Variants in TNXB observed in about 807,000 individuals in gnomAD.
The protein encoded by TNXB is tenascin XB.
TNXB carries 183 observed loss-of-function variants against 340.5 expected under a neutral mutation model. The observed-to-expected ratio is 0.54, with a 90% confidence interval of 0.48 to 0.61. The LOEUF (loss-of-function observed/expected upper bound fraction) is 0.61. TNXB is among the 20% of genes least tolerant of loss of function. The pLI is 0.00. For synonymous variants in TNXB, 2,121 were observed against 2,314.5 expected (o/e 0.92, Z 2.40); for missense variants, 4,613 against 5,446.4 (o/e 0.85, Z 4.82).
At chr6:32,104,032 T>C (rs1417801755) in intron 1 of TNXB, among the ~76,000 whole-genome samples, 1 of 152,090 alleles carries the variant, frequency 6.6e-6, no homozygotes, top group East Asian at 1.9e-4. Flanking sequence ...CACCTGGCCC[T>C]TCTCTTTTAA....
rs370151326 is a variant in TNXB, at chr6:32,062,122, T to C, written c.7168+35A>G. On this transcript the variant is annotated intron_variant, in intron 20 of 43. Coordinates refer to ENST00000644971, the MANE Select transcript of TNXB (RefSeq NM_001365276.2). The surrounding 1 kb of genome is among the most constrained non-coding windows in gnomAD (Gnocchi z 4.3). Reference sequence around the variant, plus strand: ...AAAGAGCAAGAGGGTGACCCTCCCATGGCTCCCACCCTGGGGCTCCCATCG... The same window carrying C: ...AAAGAGCAAGAGGGTGACCCTCCCACGGCTCCCACCCTGGGGCTCCCATCG... 1.1e-4 allele frequency: 168 copies of C among 1,592,328 alleles called. No homozygotes were observed. In the South Asian group the frequency reaches 1.7e-3, roughly 16 times the overall value.
At position 32,097,389 on chromosome 6, in the gene TNXB, G is replaced by C; in HGVS notation, c.464C>G (p.Thr155Ser). 6.2e-7 allele frequency: 1 copy of C among 1,610,928 alleles called. No individual in the cohort carries two copies. The highest frequency in any genetic ancestry group is 8.5e-7 in the Non-Finnish European group (1 of 1,179,658). The change falls in exon 3 of 44, where the codon ACC becomes AGC. Residue 155 changes from threonine (T) to serine (S), a missense_variant. This residue lies in a region of TNXB where 4,327 missense variants were observed against 4,859.4 expected (regional missense o/e 0.89). Coordinates refer to ENST00000644971, the MANE Select transcript of TNXB (RefSeq NM_001365276.2). This position sits in a 1 kb window ranked among gnomAD's most constrained non-coding sequence, Gnocchi z 5.9. ...ACCCCAGCCTGGCTCACAGGAACAG[G>C]TGCAGCGGCTCAGATCAAACACACC... is the stretch of plus-strand genomic sequence containing the variant. ...LHGVFDLSRC[T>S]CSCEPGWGGP...
At chr6:32,095,450 A>C (rs1161015679) in intron 3 of TNXB, 161 bp downstream of exon 3, 31 of 901,744 alleles carry the variant, frequency 3.4e-5, no homozygotes, top group Non-Finnish European at 5.0e-5. Context: ...AGTCCTGCCC[A>C]CTGGAAAGCC....
intron 1 of TNXB, among the ~76,000 whole-genome samples, chr6:32,104,764 T>G (rs1235328291): frequency 1.3e-5 from 2 of 151,946 alleles, no homozygotes. Flanking sequence ...GCCTCCTGAG[T>G]AGTTGGGACT....
At position 32,097,672 on chromosome 6, in the gene TNXB, C is replaced by T; in HGVS notation, c.403+124G>A. On this transcript the variant is annotated intron_variant, in intron 2 of 43. Transcript: ENST00000644971. This position sits in a 1 kb window ranked among gnomAD's most constrained non-coding sequence, Gnocchi z 5.9. Reference sequence around the variant, plus strand: ...TCTGCTCTCCAAGTTGTGTTCTGGGCTGCATCCACACCCCTCATGGTGAGG... The same window carrying T: ...TCTGCTCTCCAAGTTGTGTTCTGGGTTGCATCCACACCCCTCATGGTGAGG... 1 of 1,224,316 alleles carries T rather than the reference C, an allele frequency of 8.2e-7. No individual in the cohort carries two copies. Among genetic ancestry groups the T allele is most frequent in the Admixed American group, 2.8e-5 (1 of 35,162 alleles). The allele number at this position is 1,224,316 out of a possible 1,614,324, so 75.8% of individuals were successfully genotyped here.
rs1480132893 is a variant in TNXB at position 32,062,373 on chromosome 6, A to T, written c.6952T>A (p.Ser2318Thr). ...ELTVTDATPD[S>T]LSLSWTVPEG... ...GGAACCGTCCAGGACAGGCTGAGGG[A>T]GTCAGGGGTCGCATCTGTCACGGTC... is the stretch of plus-strand genomic sequence containing the variant. Residue 2318 changes from serine (S) to threonine (T), a missense_variant, in exon 20 of 44, where the codon TCC (serine) becomes ACC (threonine). By Grantham distance (58) the Ser-to-Thr change is moderately conservative (BLOSUM62 1). This residue lies in a region of TNXB where 4,327 missense variants were observed against 4,859.4 expected (regional missense o/e 0.89). Coordinates refer to ENST00000644971, the MANE Select transcript of TNXB (RefSeq NM_001365276.2). The surrounding 1 kb of genome is among the most constrained non-coding windows in gnomAD (Gnocchi z 4.3). 2.5e-6 allele frequency: 4 copies of T among 1,613,094 alleles called. No individual in the cohort carries two copies. Among genetic ancestry groups the T allele is most frequent in the Non-Finnish European group, 3.4e-6 (4 of 1,179,844 alleles).
In TNXB at chr6:32,070,901, C is replaced by T. The variant is rs1481716948; in HGVS notation, c.4991-487G>A. ...GACACAGGTAGTTCTCACCCTTCTC[C>T]GTTCCCTTTCTTATTCTGCACCGGC... On this transcript the variant is annotated intron_variant, in intron 13 of 43. Transcript: ENST00000644971. This position sits in a 1 kb window ranked among gnomAD's most constrained non-coding sequence, Gnocchi z 6.0. Among the ~76,000 whole-genome samples, 2 of 152,204 alleles carry T rather than the reference C, an allele frequency of 1.3e-5. No individual in the cohort carries two copies.
rs747658329 is a variant in TNXB at position 32,070,136 on chromosome 6, C to G, written c.5269G>C (p.Gly1757Arg). Residue 1757 changes from glycine to arginine, a missense_variant, in exon 14 of 44, where the codon GGC (glycine) becomes CGC (arginine). By Grantham distance (125) the Gly-to-Arg change is moderately radical (BLOSUM62 -2). This residue lies in a region of TNXB where 4,327 missense variants were observed against 4,859.4 expected (regional missense o/e 0.89). Transcript: ENST00000644971. The surrounding 1 kb of genome is among the most constrained non-coding windows in gnomAD (Gnocchi z 6.0). Reference sequence around the variant, plus strand: ...AGGGAATGCCCCTCACCCGTGGTGCCGTCGGCAGTGAGAGGGCCATGGCGC... The same window carrying G: ...AGGGAATGCCCCTCACCCGTGGTGCGGTCGGCAGTGAGAGGGCCATGGCGC... ...KKRHGPLTAD[G>R]TTEARSAMDD... The G allele has an allele frequency of 6.4e-7, 1 of 1,574,452 alleles. No homozygotes were observed.
chr6:32,068,510 G>A lies in TNXB; in HGVS notation c.6100C>T (p.Pro2034Ser), dbSNP rs1437182181. 1.2e-6 allele frequency: 2 copies of A among 1,613,916 alleles called. No homozygotes were observed. The highest frequency in any genetic ancestry group is 1.3e-5 in the African/African-American group (1 of 75,056). Residue 2034 changes from proline (P) to serine (S), a missense_variant, in exon 17 of 44, where the codon CCA becomes TCA. Pro to Ser is a moderately conservative substitution (Grantham distance 74, BLOSUM62 -1). This residue lies in a region of TNXB where 4,327 missense variants were observed against 4,859.4 expected (regional missense o/e 0.89). Coordinates refer to ENST00000644971, the MANE Select transcript of TNXB (RefSeq NM_001365276.2). The surrounding 1 kb of genome is among the most constrained non-coding windows in gnomAD (Gnocchi z 5.3). ...GDGQPKAVRV[P>S]GHEEGVTISG... ...ATGGTGACCCCTTCCTCGTGCCCTGGCACCCTCACTGCCTTGGGCTGCCCA... is the reference window on the plus strand; with the variant it reads ...ATGGTGACCCCTTCCTCGTGCCCTGACACCCTCACTGCCTTGGGCTGCCCA...
rs1262930550 is a variant in TNXB at position 32,062,071 on chromosome 6, C to CTT, written c.7168+85_7168+86insAA. The CTT allele has an allele frequency of 1.4e-5, 20 of 1,478,800 alleles. No homozygotes were observed. Among genetic ancestry groups the CTT allele is most frequent in the Admixed American group, 2.0e-5 (1 of 49,512 alleles). 91.6% of individuals were successfully genotyped at this position (1,478,800 alleles called of 1,614,324 possible). A position where few individuals can be genotyped will look rare whatever the true frequency, so the allele number is the denominator to read the frequency against. ...GTAGGTCTGTGGTGCTGACCAGACC[C>CTT]GTCCCATTCCCCACCAGTCATCACC... is the stretch of plus-strand genomic sequence containing the variant. On this transcript the variant is annotated intron_variant, in intron 20 of 43. Coordinates refer to ENST00000644971, the MANE Select transcript of TNXB (RefSeq NM_001365276.2). The surrounding 1 kb of genome is among the most constrained non-coding windows in gnomAD (Gnocchi z 4.3).
chr6:32,104,017 C>T (rs1780855488), intron 1 of TNXB, among the ~76,000 whole-genome samples: 1 of 152,262 alleles, frequency 6.6e-6, no homozygotes, highest in African/African-American at 2.4e-5. Context: ...AGGCATGAGC[C>T]ACCACACCTG....
rs1044830814 is a variant in TNXB, at chr6:32,084,222, C to T, written c.3445+191G>A. 3.9e-5 allele frequency among the ~76,000 whole-genome samples: 6 copies of T among 152,152 alleles called. No individual in the cohort carries two copies. The highest frequency in any genetic ancestry group is 1.3e-4 in the Admixed American group (2 of 15,280). ...GCCATGCTCTCCCCACCTTACTCAC[C>T]GTGACTCCCTCAGGCTGCACTGAGC... On this transcript the variant is annotated intron_variant, in intron 8 of 43. Coordinates refer to ENST00000644971, the MANE Select transcript of TNXB (RefSeq NM_001365276.2). The surrounding 1 kb of genome is among the most constrained non-coding windows in gnomAD (Gnocchi z 5.5).
At position 32,070,160 on chromosome 6, in the gene TNXB, GCTT is replaced by G; in HGVS notation, c.5242_5244del (p.Lys1748del). On this transcript the variant is annotated inframe_deletion, in exon 14 of 44. Coordinates refer to ENST00000644971, the MANE Select transcript of TNXB (RefSeq NM_001365276.2). The surrounding 1 kb of genome is among the most constrained non-coding windows in gnomAD (Gnocchi z 6.0). ...CCGTCGGCAGTGAGAGGGCCATGGC[GCTT>G]CTTGCCCAGGAGGCCATAGAGGAGG... 1 of 1,596,746 alleles carries G rather than the reference GCTT, an allele frequency of 6.3e-7. No homozygotes were observed. The highest frequency in any genetic ancestry group is 8.5e-7 in the Non-Finnish European group (1 of 1,169,600).
Position 32,070,285 on chromosome 6 carries a change from T to C in TNXB, c.5120A>G (p.Gln1707Arg). 1 of 1,613,072 alleles carries C rather than the reference T, an allele frequency of 6.2e-7. No homozygotes were observed. Among genetic ancestry groups the C allele is most frequent in the South Asian group, 1.1e-5 (1 of 90,938 alleles). Residue 1707 changes from glutamine to arginine, a missense_variant, in exon 14 of 44, where the codon CAG (glutamine) becomes CGG (arginine). Physicochemically the swap from Gln to Arg is conservative, Grantham distance 43. This residue lies in a region of TNXB where 4,327 missense variants were observed against 4,859.4 expected (regional missense o/e 0.89). Transcript: ENST00000644971. The surrounding 1 kb of genome is among the most constrained non-coding windows in gnomAD (Gnocchi z 6.0). ...CTGGGGCCCGTCTTTGTCCTTGAACTGGACCACAAAAGAGTCGAACTGGCC... is the reference window on the plus strand; with the variant it reads ...CTGGGGCCCGTCTTTGTCCTTGAACCGGACCACAAAAGAGTCGAACTGGCC... ...PEGQFDSFVVQFKDKDGPQVV... is the reference protein window; with the variant it reads ...PEGQFDSFVVRFKDKDGPQVV...
chr6:32,054,392 G>C (rs957750444), intron 24 of TNXB, among the ~76,000 whole-genome samples: 1 of 152,188 alleles, frequency 6.6e-6, no homozygotes, highest in Non-Finnish European at 1.5e-5. Flanking sequence ...CCCCAGGCCT[G>C]GTGAGTGGTC....
At chr6:32,095,548 C>T in intron 3 of TNXB, 63 bp downstream of exon 3, 1 of 1,555,886 alleles carries the variant, frequency 6.4e-7, no homozygotes, top group Non-Finnish European at 8.7e-7. Context: ...CTCAGGTCTT[C>T]CCCATGGCTC....
intron 4 of TNXB, 109 bp downstream of exon 4, chr6:32,094,967 C>T: frequency 1.1e-6 from 1 of 887,232 alleles, no homozygotes; most frequent in Non-Finnish European, 1.8e-6. Context: ...TTCAGGTACC[C>T]AGCCATCTGG....
chr6:32,101,969 C>T (rs1780742684), intron 1 of TNXB, among the ~76,000 whole-genome samples: 1 of 152,168 alleles, frequency 6.6e-6, no homozygotes, highest in Admixed American at 6.5e-5. Context: ...AGCAATCCTC[C>T]TGCCTCACCC....
In TNXB at chr6:32,062,221, C is replaced by G; in HGVS notation, c.7104G>C (p.Lys2368Asn). 1 of 1,613,314 alleles carries G rather than the reference C, an allele frequency of 6.2e-7. No homozygotes were observed. The highest frequency in any genetic ancestry group is 8.5e-7 in the Non-Finnish European group (1 of 1,179,896). ...CACCGTGGAAGCCGTACAGGTTCAT[C>G]TTGTACTTGTTGTCTGGCTCCAGGC... ...ISGLEPDNKY[K>N]MNLYGFHGGQ... Residue 2368 changes from lysine (K) to asparagine (N), a missense_variant, in exon 20 of 44, where the codon AAG becomes AAC. By Grantham distance (94) the Lys-to-Asn change is moderately conservative. Transcript: ENST00000644971. This position sits in a 1 kb window ranked among gnomAD's most constrained non-coding sequence, Gnocchi z 4.3.
Sources: allele counts gnomAD v4.1 joint callset (sites outside exome capture counted in the v4.1 genomes callset), GRCh38; gene constraint gnomAD v4.1.1; regional missense constraint gnomAD v4.1.1; non-coding constraint Gnocchi (gnomAD v3.1); transcripts MANE v1.5; gene names NCBI Gene and HGNC (gene_info 2026-07-23, HGNC 2026-07-21).